COL11A1: variants seen among roughly 807,000 people sequenced by gnomAD.
The protein encoded by COL11A1 is collagen type XI alpha 1 chain.
A neutral mutation model predicts 265.2 loss-of-function variants in COL11A1; 74 were observed. That is an observed-to-expected ratio of 0.28 (90% CI 0.23 to 0.34). COL11A1 has a LOEUF of 0.34. COL11A1 is among the 10% of genes least tolerant of loss of function. The probability of loss-of-function intolerance (pLI) is 1.00; values close to 1 mark genes in which losing one functional copy is unlikely to be tolerated. For synonymous variants in COL11A1, 816 were observed against 727.6 expected, an observed-to-expected ratio of 1.12 and a Z score of -1.96; for missense variants, 2,165 against 2,263.6, an observed-to-expected ratio of 0.96 and a Z score of 0.88.
chr1:102,881,598 C>G (rs1650249942), intron 65 of COL11A1, 99 bp downstream of exon 65: 23 of 960,412 alleles, frequency 2.4e-5, no homozygotes, highest in Non-Finnish European at 3.6e-5. Flanking sequence ...CCTCATTTAG[C>G]ATAATTTAGA....
At chr1:102,912,336 A>G (rs942384343) in intron 53 of COL11A1, 124 bp from the exon 54 acceptor site, 30 of 738,132 alleles carry the variant, frequency 4.1e-5, no homozygotes, top group Non-Finnish European at 6.3e-5. Context: ...ATTTCCTGGA[A>G]AATCTCAGCC....
chr1:102,941,127 C>T (rs1658674626), intron 42 of COL11A1, among the ~76,000 whole-genome samples: 1 of 152,124 alleles, frequency 6.6e-6, no homozygotes, highest in Non-Finnish European at 1.5e-5. Flanking sequence ...TGGGAATCTA[C>T]AAGTCATTAG....
chr1:102,918,612 T>C (rs148290693), intron 49 of COL11A1, among the ~76,000 whole-genome samples: 4,911 of 151,352 alleles, frequency 0.032, 108 homozygotes, highest in Middle Eastern at 0.08. Context: ...AACAAAAAAA[T>C]GAAGGTTAGA....
intron 46 of COL11A1, among the ~76,000 whole-genome samples, chr1:102,923,600 T>C (rs1433518063): frequency 1.3e-5 from 2 of 152,074 alleles, no homozygotes; most frequent in Admixed American, 6.5e-5. Context: ...AATTTATGTT[T>C]TGTATAATAT....
At chr1:102,984,017 T>G in intron 31 of COL11A1, 121 bp downstream of exon 31, 1 of 730,566 alleles carries the variant, frequency 1.4e-6, no homozygotes, top group Non-Finnish European at 2.3e-6. Flanking sequence ...TGATTTTCCT[T>G]GTGAAATTAT....
At chr1:102,908,795 C>A (rs1363994429) in intron 54 of COL11A1, among the ~76,000 whole-genome samples, 1 of 151,878 alleles carries the variant, frequency 6.6e-6, no homozygotes, top group Non-Finnish European at 1.5e-5. Flanking sequence ...ATTTTTTACC[C>A]ACCTCATAAA....
chr1:102,882,268 T>C (rs1650351099), intron 64 of COL11A1, among the ~76,000 whole-genome samples: 3 of 152,184 alleles, frequency 2.0e-5, no homozygotes, highest in South Asian at 4.1e-4. Context: ...TAGAATCTTA[T>C]AGATCTGCAT....
intron 1 of COL11A1, among the ~76,000 whole-genome samples, chr1:103,085,600 CTTATA>C (rs1303424397): frequency 1.3e-5 from 2 of 152,084 alleles, no homozygotes; most frequent in Non-Finnish European, 2.9e-5. Flanking sequence ...ACCTGCTTGA[CTTATA>C]TTCTATTGGC....
Position 103,108,145 on chromosome 1 carries a change from G to A in COL11A1, c.34C>T (p.Arg12Trp). ...GTTACGGTGAAATCCCAGAGCCACCGTTTCGTTTTCCACCTAGAGGACCAC... is the reference window on the plus strand; with the variant it reads ...GTTACGGTGAAATCCCAGAGCCACCATTTCGTTTTCCACCTAGAGGACCAC... The part of the protein sequence containing the change: ...EPWSSRWKTK[R>W]WLWDFTVTTL... Residue 12 changes from arginine (R) to tryptophan (W), a missense_variant, in exon 1 of 67, where the codon CGG (arginine) becomes TGG (tryptophan). Coordinates refer to ENST00000370096, the MANE Select transcript of COL11A1 (RefSeq NM_001854.4). 7 of 1,613,726 alleles carry A rather than the reference G, an allele frequency of 4.3e-6. No homozygotes were observed. Among genetic ancestry groups the A allele is most frequent in the African/African-American group, 2.7e-5 (2 of 74,898 alleles).
intron 51 of COL11A1, 121 bp from the exon 52 acceptor site, chr1:102,914,526 C>T (rs1655075336): frequency 1.8e-6 from 2 of 1,092,366 alleles, no homozygotes; most frequent in Non-Finnish European, 2.7e-6. Context: ...TTTCTCTTCT[C>T]CCGCCAAAAA....
At chr1:103,093,569 T>C (rs551498132) in intron 1 of COL11A1, among the ~76,000 whole-genome samples, 9 of 152,290 alleles carry the variant, frequency 5.9e-5, no homozygotes, top group African/African-American at 2.2e-4. Context: ...ATCCCTTATC[T>C]ATAAAGTTGC....
chr1:102,951,267 A>T (rs767288444), intron 41 of COL11A1, among the ~76,000 whole-genome samples: 5 of 152,224 alleles, frequency 3.3e-5, no homozygotes, highest in Non-Finnish European at 7.3e-5. Flanking sequence ...AGCACTTGGC[A>T]CTACATTCTG....
intron 57 of COL11A1, among the ~76,000 whole-genome samples, chr1:102,891,223 T>A: frequency 6.6e-6 from 1 of 152,062 alleles, no homozygotes; most frequent in East Asian, 1.9e-4. Flanking sequence ...ATAATCCCAA[T>A]AAAATATTGC....
At chr1:102,985,562 C>A (rs1243888044) in intron 30 of COL11A1, among the ~76,000 whole-genome samples, 2 of 152,116 alleles carry the variant, frequency 1.3e-5, no homozygotes, top group South Asian at 2.1e-4. Flanking sequence ...GTAATTACCA[C>A]ATTAGAATGT....
At chr1:102,968,826 A>G (rs551378040) in intron 37 of COL11A1, among the ~76,000 whole-genome samples, 29 of 152,202 alleles carry the variant, frequency 1.9e-4, no homozygotes, top group African/African-American at 5.1e-4. Flanking sequence ...TTAAATCTCA[A>G]TGTTATATGT....
chr1:103,104,813 A>C (rs1200468863), intron 1 of COL11A1, among the ~76,000 whole-genome samples: 1 of 152,168 alleles, frequency 6.6e-6, no homozygotes, highest in Admixed American at 6.5e-5. Context: ...TTCTTATCAG[A>C]AGCATATCTG....
At chr1:102,978,773 G>T (rs376616267) in intron 34 of COL11A1, 21 bp from the exon 35 acceptor site, 174 of 1,614,030 alleles carry the variant, frequency 1.1e-4, no homozygotes, top group Middle Eastern at 6.6e-4. Flanking sequence ...GAAAAGAAAA[G>T]AAAAATCAGT....
At chr1:102,978,555 G>A (rs1447786884) in intron 35 of COL11A1, among the ~76,000 whole-genome samples, 153 bp downstream of exon 35, 1 of 152,018 alleles carries the variant, frequency 6.6e-6, no homozygotes, top group Non-Finnish European at 1.5e-5. Flanking sequence ...TGGTGAAGAG[G>A]AATAAATTAA....
At chr1:103,103,544 A>G (rs1674454115) in intron 1 of COL11A1, among the ~76,000 whole-genome samples, 2 of 151,996 alleles carry the variant, frequency 1.3e-5, no homozygotes, top group Non-Finnish European at 2.9e-5. Flanking sequence ...TAAAAAATTC[A>G]TTCTGTAACT....
Sources: gnomAD v4.1 joint callset for allele counts (sites outside exome capture counted in the v4.1 genomes callset) on GRCh38, gnomAD v4.1.1 for gene constraint, MANE v1.5 for transcripts, NCBI Gene and HGNC (gene_info 2026-07-23, HGNC 2026-07-21) for gene names.